Variants in TBCK observed in about 807,000 individuals in gnomAD.
TBCK encodes TBC1 domain containing kinase.
In TBCK, 99 loss-of-function variants were observed where a neutral mutation model predicts 113.4. That is an observed-to-expected ratio of 0.87 (90% CI 0.74 to 1.03). The LOEUF (loss-of-function observed/expected upper bound fraction) is 1.03. Ranked by LOEUF, TBCK falls within the 50% of genes least tolerant of loss-of-function variation. TBCK has a pLI of 0.00. For missense variants in TBCK, 1,045 were observed against 1,061.3 expected, an observed-to-expected ratio of 0.98 and a Z score of 0.21; for synonymous variants, 369 against 370.8, an observed-to-expected ratio of 1.00 and a Z score of 0.05.
chr4:106,242,128 T>C (rs866743886), intron 12 of TBCK, among the ~76,000 whole-genome samples: 1 of 152,110 alleles, frequency 6.6e-6, no homozygotes, highest in Non-Finnish European at 1.5e-5. Flanking sequence ...AACTGCACTA[T>C]AATCAGGAAA....
intron 22 of TBCK, among the ~76,000 whole-genome samples, chr4:106,190,915 T>C (rs1352523238): frequency 6.6e-6 from 1 of 152,140 alleles, no homozygotes; most frequent in Non-Finnish European, 1.5e-5. Flanking sequence ...TAATTTGTTG[T>C]ATTTTTAGTA....
chr4:106,096,061 T>G (rs1040139970), intron 24 of TBCK, among the ~76,000 whole-genome samples: 6 of 152,144 alleles, frequency 3.9e-5, no homozygotes, highest in Non-Finnish European at 8.8e-5. Context: ...GAGAAAGAAC[T>G]GTAAATAAGT....
At chr4:106,081,635 C>A (rs1738883191) in intron 25 of TBCK, among the ~76,000 whole-genome samples, 1 of 151,814 alleles carries the variant, frequency 6.6e-6, no homozygotes, top group African/African-American at 2.4e-5. Context: ...ACCTGTGTAA[C>A]AAACCTGCAC....
intron 3 of TBCK, among the ~76,000 whole-genome samples, chr4:106,266,486 A>G (rs1210100606): frequency 6.6e-6 from 1 of 151,872 alleles, no homozygotes; most frequent in Non-Finnish European, 1.5e-5. Flanking sequence ...TACTGAACAC[A>G]TAGACTGCAT....
intron 25 of TBCK, among the ~76,000 whole-genome samples, chr4:106,074,900 A>G (rs897171749): frequency 3.3e-5 from 5 of 152,166 alleles, no homozygotes. Flanking sequence ...TTCTGGAGGG[A>G]AGGGCACAGC....
At chr4:106,091,440 C>T (rs530736673) in intron 25 of TBCK, among the ~76,000 whole-genome samples, 3 of 152,316 alleles carry the variant, frequency 2.0e-5, no homozygotes, top group Non-Finnish European at 2.9e-5. Flanking sequence ...AATGCAGCCA[C>T]GGACCCTTGT....
At chr4:106,153,049 T>C (rs1748691887) in intron 23 of TBCK, among the ~76,000 whole-genome samples, 1 of 151,902 alleles carries the variant, frequency 6.6e-6, no homozygotes, top group Non-Finnish European at 1.5e-5. Flanking sequence ...TGTACTGTTT[T>C]CTTCATTTCA....
chr4:106,165,767 T>C (rs748335534), intron 23 of TBCK, among the ~76,000 whole-genome samples: 14 of 151,730 alleles, frequency 9.2e-5, no homozygotes, highest in Non-Finnish European at 1.3e-4. Context: ...TTATTTTAAG[T>C]ATGCTAATGA....
chr4:106,283,758 G>C (rs552449256), intron 3 of TBCK, among the ~76,000 whole-genome samples: 1 of 144,444 alleles, frequency 6.9e-6, no homozygotes, highest in South Asian at 2.2e-4. Flanking sequence ...TCCTCTGGGG[G>C]AAAAAAAAAA....
chr4:106,096,314 CTTTTA>C (rs1435403602), intron 24 of TBCK, among the ~76,000 whole-genome samples: 1 of 152,102 alleles, frequency 6.6e-6, no homozygotes, highest in African/African-American at 2.4e-5. Context: ...ACTGAAAGTA[CTTTTA>C]TTTTCAGTAA....
chr4:106,124,703 G>C (rs1175346351), intron 23 of TBCK, among the ~76,000 whole-genome samples: 1 of 152,086 alleles, frequency 6.6e-6, no homozygotes, highest in African/African-American at 2.4e-5. Context: ...CCTTTGTAGG[G>C]ACATGGATGA....
chr4:106,130,693 T>C (rs1435194509), intron 23 of TBCK, among the ~76,000 whole-genome samples: 1 of 152,074 alleles, frequency 6.6e-6, no homozygotes, highest in Non-Finnish European at 1.5e-5. Context: ...TTGTTCTTCC[T>C]GATTTTCTGT....
chr4:106,153,661 A>G (rs1223529014), intron 23 of TBCK, among the ~76,000 whole-genome samples: 4 of 152,230 alleles, frequency 2.6e-5, no homozygotes, highest in Middle Eastern at 6.8e-3. Context: ...CTGAAACAAG[A>G]GTGTTGAAGT....
At chr4:106,278,893 A>T (rs1338864733) in intron 3 of TBCK, among the ~76,000 whole-genome samples, 1 of 152,000 alleles carries the variant, frequency 6.6e-6, no homozygotes, top group Non-Finnish European at 1.5e-5. Context: ...TATAGCTAAG[A>T]AGAAAAGATA....
At chr4:106,165,090 T>C (rs553210544) in intron 23 of TBCK, among the ~76,000 whole-genome samples, 89 of 151,892 alleles carry the variant, frequency 5.9e-4, no homozygotes, top group African/African-American at 2.0e-3. Flanking sequence ...ATGTAAGTAA[T>C]ACCAGTCATA....
rs185718184 is a variant in TBCK, at chr4:106,211,366, A to G, written c.1860+1384T>C. Among the ~76,000 whole-genome samples, 146 of 152,180 alleles carry G rather than the reference A, an allele frequency of 9.6e-4. 2 individuals are homozygous for G. The highest frequency in any genetic ancestry group is 5.8e-4 in the East Asian group (3 of 5,186). ...CCTTTTATTTTTATTCTTTAATTTTAAAAATCAGTTTTTATTGATTTTTTA... is the reference window on the plus strand; with the variant it reads ...CCTTTTATTTTTATTCTTTAATTTTGAAAATCAGTTTTTATTGATTTTTTA... On this transcript the variant is annotated intron_variant, in intron 20 of 25. Coordinates refer to ENST00000394708, the MANE Select transcript of TBCK (RefSeq NM_001163435.3).
chr4:106,058,352 G>A (rs1735666271), intron 25 of TBCK, among the ~76,000 whole-genome samples: 1 of 151,718 alleles, frequency 6.6e-6, no homozygotes, highest in Admixed American at 6.6e-5. Context: ...CCCTCACATG[G>A]TGCTGTATTT....
In TBCK at chr4:106,043,022, A is replaced by G. The variant is rs561388321; in HGVS notation, c.*3548T>C. On this transcript the variant is annotated 3_prime_UTR_variant, in exon 26 of 26. Coordinates refer to ENST00000394708, the MANE Select transcript of TBCK (RefSeq NM_001163435.3). ...ACTCCCACCCATAAGATCCAAAGCT[A>G]TGTCTTCTATTCCTATATGTATTCC... 2 of 152,142 alleles carry G rather than the reference A, an allele frequency of 1.3e-5. No homozygotes were observed. Among genetic ancestry groups the G allele is most frequent in the South Asian group, 4.1e-4 (2 of 4,826 alleles). 9.4% of individuals were successfully genotyped at this position (152,142 alleles called of 1,614,324 possible). A position where few individuals can be genotyped will look rare whatever the true frequency, so the allele number is the denominator to read the frequency against.
intron 25 of TBCK, among the ~76,000 whole-genome samples, chr4:106,093,504 TCAAACAAA>T (rs924575730): frequency 6.6e-6 from 1 of 152,180 alleles, no homozygotes; most frequent in Non-Finnish European, 1.5e-5. Context: ...GAGACTCGTC[TCAAACAAA>T]CAAACAAACA....
Sources: allele counts gnomAD v4.1 joint callset (sites outside exome capture counted in the v4.1 genomes callset), GRCh38; gene constraint gnomAD v4.1.1; transcripts MANE v1.5; gene names NCBI Gene and HGNC (gene_info 2026-07-23, HGNC 2026-07-21).